The following SLC35F5 variants were observed in gnomAD, a reference collection of about 807,000 sequenced individuals.
The protein encoded by SLC35F5 is HCV NS5A-transactivated protein 3.
In SLC35F5, 54 loss-of-function variants were observed where a neutral mutation model predicts 68.6. The observed-to-expected ratio is 0.79, with a 90% confidence interval of 0.63 to 0.99. SLC35F5 has a LOEUF of 0.99. Ranked by LOEUF, SLC35F5 falls within the 50% of genes least tolerant of loss-of-function variation. SLC35F5 has a pLI of 0.00. For synonymous variants in SLC35F5, 211 were observed against 205.2 expected, an observed-to-expected ratio of 1.03 and a Z score of -0.24; for missense variants, 567 against 626.9, an observed-to-expected ratio of 0.90 and a Z score of 1.02.
intron 15 of SLC35F5, among the ~76,000 whole-genome samples, chr2:113,715,441 A>T (rs1481767856): frequency 6.6e-6 from 1 of 152,172 alleles, no homozygotes; most frequent in East Asian, 1.9e-4. Flanking sequence ...CTCCTGGTAT[A>T]TTCCACCATT....
chr2:113,728,322 T>C (rs944671509), intron 11 of SLC35F5, among the ~76,000 whole-genome samples: 7 of 152,192 alleles, frequency 4.6e-5, no homozygotes, highest in African/African-American at 1.7e-4. Context: ...AAAAATTAAA[T>C]AGAAATGCAG....
chr2:113,734,300 G>C lies in SLC35F5; in HGVS notation c.920+286C>G, dbSNP rs1046925654. Among the ~76,000 whole-genome samples, 4 of 152,318 alleles carry C rather than the reference G, an allele frequency of 2.6e-5. No homozygotes were observed. The South Asian group carries it at 8.3e-4, about 32-fold the overall frequency. Reference sequence around the variant, plus strand: ...AAACTTGGGAGATTATGAGGATTAAGCTGCTACATTAAGTGTGAACGTCAG... The same window carrying C: ...AAACTTGGGAGATTATGAGGATTAACCTGCTACATTAAGTGTGAACGTCAG... On this transcript the variant is annotated intron_variant, in intron 9 of 15. Coordinates refer to ENST00000245680, the MANE Select transcript of SLC35F5 (RefSeq NM_025181.5).
intron 5 of SLC35F5, among the ~76,000 whole-genome samples, chr2:113,744,726 T>G (rs905656057): frequency 2.5e-4 from 38 of 152,084 alleles, no homozygotes; most frequent in Non-Finnish European, 7.4e-5. Flanking sequence ...GCACTCCAGC[T>G]TGGGTGACAG....
At chr2:113,746,776 A>C (rs1230220192) in intron 4 of SLC35F5, among the ~76,000 whole-genome samples, 2 of 152,036 alleles carry the variant, frequency 1.3e-5, no homozygotes, top group Non-Finnish European at 2.9e-5. Context: ...AATACAAAAA[A>C]ATTAGCTAGC....
rs947970940 is a variant in SLC35F5, at chr2:113,712,733, A to C, written c.*2485T>G. On this transcript the variant is annotated 3_prime_UTR_variant, in exon 16 of 16. Coordinates refer to ENST00000245680, the MANE Select transcript of SLC35F5 (RefSeq NM_025181.5). ...TTCCTTCAATCCAGGTCATAATTTGAAACGTTATACAATAATGAGATTTAA... is the reference window on the plus strand; with the variant it reads ...TTCCTTCAATCCAGGTCATAATTTGCAACGTTATACAATAATGAGATTTAA... 6.6e-6 allele frequency: 1 copy of C among 152,258 alleles called. No homozygotes were observed. The allele number at this position is 152,258 out of a possible 1,614,324, so 9.4% of individuals were successfully genotyped here.
In SLC35F5 at chr2:113,713,022, C is replaced by G. The variant is rs1281089532; in HGVS notation, c.*2196G>C. On this transcript the variant is annotated 3_prime_UTR_variant, in exon 16 of 16. Transcript: ENST00000245680. The stretch of plus-strand genomic sequence containing the variant: ...AACTTTATTTCTTGAGAAGATGAAC[C>G]CTTAACTATGAAGGTGCAGAAAGGA... 6.6e-6 allele frequency: 1 copy of G among 152,080 alleles called. No homozygotes were observed. The highest frequency in any genetic ancestry group is 2.4e-5 in the African/African-American group (1 of 41,400). 9.4% of individuals were successfully genotyped at this position (152,080 alleles called of 1,614,324 possible). A position where few individuals can be genotyped will look rare whatever the true frequency, so the allele number is the denominator to read the frequency against.
At chr2:113,736,170 G>A (rs562938917) in intron 7 of SLC35F5, among the ~76,000 whole-genome samples, 8 of 151,420 alleles carry the variant, frequency 5.3e-5, no homozygotes, top group Admixed American at 2.0e-4. Flanking sequence ...TAGGCTGCGC[G>A]TAGTGGCTCA....
chr2:113,721,971 CTTTTTTTTTTT>C (rs71297192), intron 13 of SLC35F5, among the ~76,000 whole-genome samples: 1 of 107,660 alleles, frequency 9.3e-6, no homozygotes, highest in African/African-American at 3.5e-5. Context: ...TTGCTTTTAT[CTTTTTTTTTTT>C]TTTTTTTTTT....
rs1411117082 is a variant in SLC35F5, at chr2:113,708,861, A to C, written c.*6357T>G. Among the ~76,000 whole-genome samples the C allele has an allele frequency of 6.6e-6, 1 of 152,188 alleles. No homozygotes were observed. The stretch of plus-strand genomic sequence containing the variant: ...AGGTGATGAAAACTATACCTTTTGA[A>C]CATGCATTAGGTAACCAGGGGGCAA... On this transcript the variant is annotated 3_prime_UTR_variant, in exon 16 of 16. Transcript: ENST00000245680.
intron 13 of SLC35F5, 49 bp downstream of exon 13, chr2:113,723,055 T>A: frequency 1.5e-6 from 2 of 1,324,426 alleles, no homozygotes; most frequent in Non-Finnish European, 2.1e-6. Flanking sequence ...ATTAGGTTTG[T>A]TTTAATAACA....
At chr2:113,722,944 C>T (rs1221894617) in intron 13 of SLC35F5, among the ~76,000 whole-genome samples, 160 bp downstream of exon 13, 1 of 152,098 alleles carries the variant, frequency 6.6e-6, no homozygotes, top group South Asian at 2.1e-4. Context: ...TCTATTTCTT[C>T]GGTACTTTCT....
Position 113,707,698 on chromosome 2 carries a change from T to G in SLC35F5, c.*7520A>C, listed in dbSNP as rs142753958. ...CCTCAGCCTCACAAGTAGCTGGGACTACAGGCGTGCACCACCATGCCTGGC... is the reference window on the plus strand; with the variant it reads ...CCTCAGCCTCACAAGTAGCTGGGACGACAGGCGTGCACCACCATGCCTGGC... On this transcript the variant is annotated 3_prime_UTR_variant, in exon 16 of 16. Transcript: ENST00000245680. Among the ~76,000 whole-genome samples the G allele has an allele frequency of 0.011, 1,685 of 152,274 alleles. 36 individuals carry two copies. Among genetic ancestry groups the G allele is most frequent in the African/African-American group, 0.039 (1,610 of 41,558 alleles).
downstream of SLC35F5, among the ~76,000 whole-genome samples, chr2:113,704,504 T>A (rs1686760245): frequency 2.0e-5 from 3 of 152,056 alleles, no homozygotes; most frequent in South Asian, 6.2e-4. Context: ...CCCACGGAGC[T>A]GGGAAGGCTC....
chr2:113,743,023 C>G (rs1676347724), intron 6 of SLC35F5, 144 bp from the exon 7 acceptor site: 3 of 706,150 alleles, frequency 4.2e-6, no homozygotes, highest in Non-Finnish European at 4.6e-6. Flanking sequence ...TATATCATTA[C>G]CTGAGACAAC....
intron 11 of SLC35F5, among the ~76,000 whole-genome samples, chr2:113,727,327 C>T (rs1239150596): frequency 1.3e-5 from 2 of 152,024 alleles, no homozygotes; most frequent in Admixed American, 6.5e-5. Context: ...TGAAAACAGA[C>T]TAATACACCA....
chr2:113,755,170 T>G lies in SLC35F5; in HGVS notation c.268A>C (p.Thr90Pro), dbSNP rs1676917733. The G allele has an allele frequency of 6.2e-7, 1 of 1,613,740 alleles. No individual in the cohort carries two copies. Among genetic ancestry groups the G allele is most frequent in the Non-Finnish European group, 8.5e-7 (1 of 1,179,922 alleles). ...DVIWVASSEL[T>P]SYVFTQYNKP... Reference sequence around the variant, plus strand: ...CCTGGACCAAAGGTACATACCGAAGTAAGTTCAGAGGAAGCAACCCATATC... The same window carrying G: ...CCTGGACCAAAGGTACATACCGAAGGAAGTTCAGAGGAAGCAACCCATATC... Residue 90 changes from threonine to proline, a missense_variant, in exon 3 of 16, where the codon ACT (threonine) becomes CCT (proline). Coordinates refer to ENST00000245680, the MANE Select transcript of SLC35F5 (RefSeq NM_025181.5).
In SLC35F5 at chr2:113,732,389, T is replaced by C. The variant is rs1024459872; in HGVS notation, c.921-741A>G. ...TGTCTATTTCTATGAATCTTATAAA[T>C]TGTAACACGTTTTCAAGTAGATGAG... On this transcript the variant is annotated intron_variant, in intron 9 of 15. Transcript: ENST00000245680. Among the ~76,000 whole-genome samples the C allele has an allele frequency of 2.0e-5, 3 of 151,854 alleles. No individual in the cohort carries two copies. The South Asian group carries it at 6.2e-4, about 32-fold the overall frequency.
In SLC35F5 at chr2:113,743,762, A is replaced by G. The variant is rs558875484; in HGVS notation, c.513T>C (p.His171=). ...TCTCAGGTTTTTCACTTGGAAGATC[A>G]TGGAATTTCACAGGCACATACAGAG... The part of the protein sequence containing the change: ...SEPLYVPVKF[H]DLPSEKPEST... The change falls in exon 6 of 16, where the codon CAT becomes CAC. Residue 171 remains histidine (H), a synonymous_variant. Transcript: ENST00000245680. 1.2e-6 allele frequency: 2 copies of G among 1,611,604 alleles called. No individual in the cohort carries two copies. Among genetic ancestry groups the G allele is most frequent in the African/African-American group, 1.3e-5 (1 of 75,032 alleles).
intron 5 of SLC35F5, among the ~76,000 whole-genome samples, chr2:113,745,524 G>C (rs1676450584): frequency 6.6e-6 from 1 of 152,092 alleles, no homozygotes; most frequent in African/African-American, 2.4e-5. Flanking sequence ...TTCCTAAAAA[G>C]TAAAAATAAA....
Sources: gnomAD v4.1 joint callset for allele counts (sites outside exome capture counted in the v4.1 genomes callset) on GRCh38, gnomAD v4.1.1 for gene constraint, MANE v1.5 for transcripts, NCBI Gene and HGNC (gene_info 2026-07-23, HGNC 2026-07-21) for gene names.